Variants in PLSCR2 observed in about 807,000 individuals in gnomAD.
PLSCR2 encodes phospholipid scramblase 2, also known as PL scramblase 2.
In PLSCR2, 18 loss-of-function variants were observed where a neutral mutation model predicts 25.3. That is an observed-to-expected ratio of 0.71 (90% CI 0.49 to 1.06). The LOEUF is 1.06. Among genes scored for constraint, PLSCR2 ranks in the 50% least tolerant of loss-of-function variants. The pLI, the probability that PLSCR2 is intolerant of heterozygous loss-of-function variation, is 0.00. For missense variants in PLSCR2, 243 were observed against 269.5 expected, an observed-to-expected ratio of 0.90 and a Z score of 0.69; for synonymous variants, 88 against 87.3, an observed-to-expected ratio of 1.01 and a Z score of -0.04.
chr3:146,430,022 T>A (rs2039491203), downstream of PLSCR2, among the ~76,000 whole-genome samples: 1 of 152,064 alleles, frequency 6.6e-6, no homozygotes, highest in Non-Finnish European at 1.5e-5. Context: ...TCAAAGCAGT[T>A]TCCCCCCACT....
At chr3:146,404,181 T>C (rs899118804) in intron 2 of PLSCR2, among the ~76,000 whole-genome samples, 5 of 152,184 alleles carry the variant, frequency 3.3e-5, no homozygotes, top group Admixed American at 2.6e-4. Context: ...CATTGCTCCA[T>C]CTGTAAGGGT....
chr3:146,472,872 G>A (rs1236707030), intron 1 of PLSCR2, among the ~76,000 whole-genome samples: 1 of 152,186 alleles, frequency 6.6e-6, no homozygotes. Flanking sequence ...CCAAGGACAG[G>A]GAACCAGTAA....
At chr3:146,454,066 T>C in exon 5 of PLSCR2, 9 of 1,610,438 alleles carry the variant, frequency 5.6e-6, no homozygotes, top group African/African-American at 1.3e-5. Context: ...TAGTACATCC[T>C]CTCTTTTCTG....
intron 2 of PLSCR2, among the ~76,000 whole-genome samples, chr3:146,427,295 T>C (rs2039390793): frequency 6.6e-6 from 1 of 152,132 alleles, no homozygotes; most frequent in African/African-American, 2.4e-5. Flanking sequence ...AGTCAAGCCA[T>C]GGTGCTAAAG....
chr3:146,396,072 G>A (rs2038263029), intron 2 of PLSCR2, among the ~76,000 whole-genome samples: 1 of 152,068 alleles, frequency 6.6e-6, no homozygotes, highest in African/African-American at 2.4e-5. Context: ...ACACATAATA[G>A]CCTGGTAAAA....
intron 2 of PLSCR2, among the ~76,000 whole-genome samples, chr3:146,408,753 A>T (rs557825965): frequency 6.6e-6 from 1 of 152,272 alleles, no homozygotes; most frequent in South Asian, 2.1e-4. Context: ...CTGGTGACTC[A>T]TCGGGCCCTT....
exon 1 of PLSCR2, chr3:146,460,213 G>T: frequency 7.2e-7 from 1 of 1,389,936 alleles, no homozygotes; most frequent in Non-Finnish European, 9.3e-7. Context: ...CTTGAGGTAT[G>T]TTTTTATCTT....
At chr3:146,482,571 A>G (rs1178621175) in intron 1 of PLSCR2, among the ~76,000 whole-genome samples, 1 of 152,194 alleles carries the variant, frequency 6.6e-6, no homozygotes, top group Non-Finnish European at 1.5e-5. Flanking sequence ...AAAAGTCAGG[A>G]AACAACAGAT....
At chr3:146,452,005 A>T (rs753460611) in intron 5 of PLSCR2, among the ~76,000 whole-genome samples, 30 of 152,236 alleles carry the variant, frequency 2.0e-4, no homozygotes, top group Non-Finnish European at 3.2e-4. Flanking sequence ...GTTTTAACAA[A>T]TTGTCAAACC....
chr3:146,462,464 CTTTCTT>C (rs1202660384), upstream of PLSCR2, among the ~76,000 whole-genome samples: 3 of 104,458 alleles, frequency 2.9e-5, no homozygotes, highest in Admixed American at 1.3e-4. Context: ...CTTTTCTTTT[CTTTCTT>C]TTTTTTTTTT....
intron 1 of PLSCR2, among the ~76,000 whole-genome samples, chr3:146,487,527 A>G (rs998272272): frequency 4.6e-5 from 7 of 152,118 alleles, no homozygotes; most frequent in African/African-American, 1.4e-4. Context: ...AGACCAAAGA[A>G]TAGACAAGCA....
chr3:146,423,571 T>C (rs2039234239), intron 2 of PLSCR2, among the ~76,000 whole-genome samples: 1 of 151,938 alleles, frequency 6.6e-6, no homozygotes, highest in Non-Finnish European at 1.5e-5. Context: ...TTTTTTCTAG[T>C]AAAGAGCTTT....
chr3:146,470,803 ATTCT>A (rs2042088414), intron 1 of PLSCR2, among the ~76,000 whole-genome samples: 1 of 152,202 alleles, frequency 6.6e-6, no homozygotes, highest in African/African-American at 2.4e-5. Flanking sequence ...CTGAGTTTGA[ATTCT>A]TTCTTTTTTA....
intron 2 of PLSCR2, among the ~76,000 whole-genome samples, chr3:146,424,580 C>T (rs547736939): frequency 6.6e-6 from 1 of 152,204 alleles, no homozygotes; most frequent in Non-Finnish European, 1.5e-5. Flanking sequence ...ACGGGAATCA[C>T]AGCTTTTCTG....
At chr3:146,396,833 G>A (rs766627360) in intron 2 of PLSCR2, among the ~76,000 whole-genome samples, 3 of 152,012 alleles carry the variant, frequency 2.0e-5, no homozygotes, top group Non-Finnish European at 4.4e-5. Flanking sequence ...TATGCCCAAA[G>A]TTCTCCACTC....
chr3:146,419,887 GTGCAGTAACTTT>G lies in PLSCR2; in HGVS notation c.101-23978_101-23967del, dbSNP rs574415339. 3.5e-3 allele frequency among the ~76,000 whole-genome samples: 538 copies of G among 152,162 alleles called. 3 individuals carry two copies. The highest frequency in any genetic ancestry group is 4.1e-3 in the Non-Finnish European group (276 of 67,972). ...TGGAGCCCTTAACTTAATCACATAT[GTGCAGTAACTTT>G]TGCTGTTTAGGACAACGTAATTATA... is the stretch of plus-strand genomic sequence containing the variant. On this transcript the variant is annotated intron_variant and NMD_transcript_variant, in intron 2 of 3. Coordinates refer to the PLSCR2 transcript ENST00000463633.
intron 1 of PLSCR2, among the ~76,000 whole-genome samples, chr3:146,486,825 G>A (rs573751236): frequency 2.3e-4 from 35 of 152,050 alleles, no homozygotes; most frequent in African/African-American, 5.8e-4. Flanking sequence ...AGGAGGCAGC[G>A]TAACCCTGAT....
At position 146,455,185 on chromosome 3, in the gene PLSCR2, G is replaced by A. The variant is rs1168496985; in HGVS notation, c.321+54C>T. The A allele has an allele frequency of 7.0e-6, 8 of 1,136,244 alleles. No homozygotes were observed. In the East Asian group the frequency reaches 1.6e-4, roughly 23 times the overall value. The allele number at this position is 1,136,244 out of a possible 1,614,324, so 70.4% of individuals were successfully genotyped here. On this transcript the variant is annotated intron_variant, in intron 4 of 6. Transcript: ENST00000610787. ...TTGATTATACAGATTCAATAAAAGGGTGGAAATCCTTGCTGAACTACTTTA... is the reference window on the plus strand; with the variant it reads ...TTGATTATACAGATTCAATAAAAGGATGGAAATCCTTGCTGAACTACTTTA...
At chr3:146,406,072 C>T (rs1576568516) in intron 2 of PLSCR2, among the ~76,000 whole-genome samples, 1 of 151,962 alleles carries the variant, frequency 6.6e-6, no homozygotes, top group Non-Finnish European at 1.5e-5. Flanking sequence ...TGCTATAATA[C>T]TATTGAGTTG....
Sources: gnomAD v4.1 joint callset for allele counts (sites outside exome capture counted in the v4.1 genomes callset) on GRCh38, gnomAD v4.1.1 for gene constraint, MANE v1.5 for transcripts, NCBI Gene and HGNC (gene_info 2026-07-23, HGNC 2026-07-21) for gene names.